PHF24: variants seen among roughly 807,000 people sequenced by gnomAD.
The protein encoded by PHF24 is Galpha inhibitory interacting protein.
In PHF24, 25 loss-of-function variants were observed where a neutral mutation model predicts 42.6. That is an observed-to-expected ratio of 0.59 (90% confidence interval 0.43 to 0.82). The LOEUF (loss-of-function observed/expected upper bound fraction) is 0.82. Ranked by LOEUF, PHF24 falls within the 40% of genes least tolerant of loss-of-function variation. The pLI is 0.00. For synonymous variants in PHF24, 185 were observed against 204.8 expected (o/e 0.90, Z 0.83); for missense variants, 470 against 538.1 (o/e 0.87, Z 1.25).
the PHF24 span, among the ~76,000 whole-genome samples, chr9:34,783,156 T>C: frequency 1.3e-5 from 2 of 152,204 alleles, no homozygotes; most frequent in Non-Finnish European, 2.9e-5. Flanking sequence ...CCCATCCCAG[T>C]TCAGTCCTTA....
At chr9:34,695,868 G>T in the PHF24 span, among the ~76,000 whole-genome samples, 7 of 152,026 alleles carry the variant, frequency 4.6e-5, no homozygotes, top group Non-Finnish European at 7.4e-5. Flanking sequence ...GATATAATTG[G>T]CAGTACCAGG....
the PHF24 span, among the ~76,000 whole-genome samples, chr9:34,884,312 A>G: frequency 6.6e-6 from 1 of 152,206 alleles, no homozygotes; most frequent in African/African-American, 2.4e-5. Context: ...AACAGGGCAC[A>G]TATATACATA....
chr9:34,782,468 C>A, the PHF24 span, among the ~76,000 whole-genome samples: 2 of 152,160 alleles, frequency 1.3e-5, no homozygotes, highest in East Asian at 3.8e-4. Flanking sequence ...AGGATTATTT[C>A]TTGGACTGAT....
the PHF24 span, among the ~76,000 whole-genome samples, chr9:34,883,621 T>C: frequency 6.6e-6 from 1 of 152,218 alleles, no homozygotes; most frequent in South Asian, 2.1e-4. Flanking sequence ...AAAATGCTCA[T>C]CATCACTGGC....
At chr9:34,900,130 A>G in the PHF24 span, among the ~76,000 whole-genome samples, 6 of 152,196 alleles carry the variant, frequency 3.9e-5, no homozygotes, top group Non-Finnish European at 1.5e-5. Flanking sequence ...AGAAATTTGA[A>G]TACAATTTAT....
the PHF24 span, among the ~76,000 whole-genome samples, chr9:34,746,111 A>G: frequency 3.3e-5 from 5 of 152,220 alleles, no homozygotes. Flanking sequence ...TATAGGTTAA[A>G]GGGAACAAAA....
At chr9:34,763,413 A>G in the PHF24 span, among the ~76,000 whole-genome samples, 29,049 of 152,074 alleles carry the variant, frequency 0.19, 3,197 homozygotes, top group African/African-American at 0.29. Flanking sequence ...GGTCCTTCAC[A>G]TCCCTTGTAA....
chr9:34,797,725 G>C, the PHF24 span, among the ~76,000 whole-genome samples: 1 of 151,786 alleles, frequency 6.6e-6, no homozygotes, highest in Non-Finnish European at 1.5e-5. Flanking sequence ...AGGGTCTCGG[G>C]GGGGTTTTAT....
chr9:34,922,920 A>C, the PHF24 span: 1 of 1,502,724 alleles, frequency 6.7e-7, no homozygotes, highest in Middle Eastern at 1.8e-4. Context: ...ATTTTTATCC[A>C]TTACTGGATG....
chr9:34,899,470 C>A, the PHF24 span, among the ~76,000 whole-genome samples: 1 of 152,160 alleles, frequency 6.6e-6, no homozygotes, highest in Non-Finnish European at 1.5e-5. Flanking sequence ...ACAAGCCTTA[C>A]GAAAGAGCTT....
At chr9:34,881,472 A>G in the PHF24 span, among the ~76,000 whole-genome samples, 2 of 152,210 alleles carry the variant, frequency 1.3e-5, no homozygotes, top group South Asian at 4.1e-4. Flanking sequence ...AGCAAGACTA[A>G]TAAAGAAGAA....
At chr9:34,850,925 C>T in the PHF24 span, among the ~76,000 whole-genome samples, 11 of 152,208 alleles carry the variant, frequency 7.2e-5, no homozygotes, top group African/African-American at 1.2e-4. Flanking sequence ...TTTTTGTGAA[C>T]CGCGAATGCT....
At chr9:34,718,385 G>T in the PHF24 span, among the ~76,000 whole-genome samples, 11 of 152,288 alleles carry the variant, frequency 7.2e-5, no homozygotes, top group African/African-American at 2.4e-4. Context: ...CTGGGCCTGA[G>T]AATGCACAGA....
At chr9:34,743,826 C>T in the PHF24 span, among the ~76,000 whole-genome samples, 1,849 of 152,234 alleles carry the variant, frequency 0.012, 42 homozygotes, top group African/African-American at 0.042. Flanking sequence ...TTATCATGAA[C>T]AGAGATTTAT....
chr9:34,670,583 C>T, the PHF24 span, among the ~76,000 whole-genome samples: 9 of 152,222 alleles, frequency 5.9e-5, no homozygotes, highest in East Asian at 9.6e-4. Flanking sequence ...GCTTCAGCTC[C>T]GAGAATTTCA....
the PHF24 span, among the ~76,000 whole-genome samples, chr9:34,900,312 G>T: frequency 6.6e-6 from 1 of 152,188 alleles, no homozygotes; most frequent in Admixed American, 6.5e-5. Flanking sequence ...ATCAATTAAT[G>T]TGAAGGCCAA....
the PHF24 span, among the ~76,000 whole-genome samples, chr9:34,848,108 G>A: frequency 1.3e-5 from 2 of 151,882 alleles, no homozygotes; most frequent in Non-Finnish European, 2.9e-5. Context: ...GATGATGCTG[G>A]CCTCATAAAA....
At chr9:34,709,284 G>A in the PHF24 span, 1 of 1,285,962 alleles carries the variant, frequency 7.8e-7, no homozygotes, top group Admixed American at 2.1e-5. Context: ...GCCAGCATGG[G>A]GTGGCTGCTC....
chr9:34,964,568 A>G (rs1264905735), intron 1 of PHF24, among the ~76,000 whole-genome samples: 3 of 152,088 alleles, frequency 2.0e-5, no homozygotes, highest in South Asian at 2.1e-4. Context: ...TTATTTCTCT[A>G]TCAGCTCCTG....
Sources: gnomAD v4.1 joint callset for allele counts (sites outside exome capture counted in the v4.1 genomes callset) on GRCh38, gnomAD v4.1.1 for gene constraint, MANE v1.5 for transcripts, NCBI Gene and HGNC (gene_info 2026-07-23, HGNC 2026-07-21) for gene names.